Variants in KIAA1614 observed in about 807,000 individuals in gnomAD.
The protein encoded by KIAA1614 is uncharacterized protein KIAA1614.
KIAA1614 carries 76 observed loss-of-function variants against 88.7 expected under a neutral mutation model. The ratio of observed to expected loss-of-function variants is 0.86; its 90% confidence interval spans 0.71 to 1.04. The LOEUF is 1.04. KIAA1614 is among the 50% of genes least tolerant of loss of function. The pLI, the probability that KIAA1614 is intolerant of heterozygous loss-of-function variation, is 0.00. For missense variants in KIAA1614, 1,553 were observed against 1,582.5 expected (o/e 0.98, Z 0.32); for synonymous variants, 714 against 675.5 (o/e 1.06, Z -0.88).
At chr1:180,943,027 G>A (rs1654502207) in intron 7 of KIAA1614, among the ~76,000 whole-genome samples, 1 of 22,330 alleles carries the variant, frequency 4.5e-5, no homozygotes, top group African/African-American at 9.5e-5. Flanking sequence ...TAGTTTTTTG[G>A]GTTTTTTTTT....
At chr1:180,917,196 C>T in intron 2 of KIAA1614, 96 bp downstream of exon 2, 1 of 941,244 alleles carries the variant, frequency 1.1e-6, no homozygotes, top group Non-Finnish European at 1.6e-6. Context: ...GGGAGTGGGG[C>T]AGGAAAGGAG....
chr1:180,937,891 G>A (rs1186158078), intron 5 of KIAA1614, among the ~76,000 whole-genome samples: 1 of 152,176 alleles, frequency 6.6e-6, no homozygotes, highest in Non-Finnish European at 1.5e-5. Context: ...CTTCCCTTCT[G>A]AGACCTGCTG....
At chr1:180,936,923 G>C (rs552575551) in intron 5 of KIAA1614, among the ~76,000 whole-genome samples, 1 of 152,310 alleles carries the variant, frequency 6.6e-6, no homozygotes, top group African/African-American at 2.4e-5. Context: ...GGGGGAGGCA[G>C]AACCATGGGG....
chr1:180,931,589 G>A lies in KIAA1614; in HGVS notation c.1205+3016G>A, dbSNP rs117778626. 1.8e-4 allele frequency among the ~76,000 whole-genome samples: 27 copies of A among 152,380 alleles called. No individual in the cohort carries two copies. In the East Asian group the frequency reaches 4.2e-3, roughly 24 times the overall value. ...TTATGCACAGTTGCTGACACTGCTAGTGGGGCTTTCTGGGTTTGAATAATT... is the reference window on the plus strand; with the variant it reads ...TTATGCACAGTTGCTGACACTGCTAATGGGGCTTTCTGGGTTTGAATAATT... On this transcript the variant is annotated intron_variant, in intron 4 of 8. Transcript: ENST00000367588.
At chr1:180,934,406 T>C (rs139784226) in intron 4 of KIAA1614, among the ~76,000 whole-genome samples, 3 of 151,626 alleles carry the variant, frequency 2.0e-5, no homozygotes, top group Non-Finnish European at 4.4e-5. Context: ...CTGGCCAACA[T>C]AGTGAGACCT....
chr1:180,918,496 T>G (rs1211112189), intron 3 of KIAA1614, among the ~76,000 whole-genome samples: 1 of 152,158 alleles, frequency 6.6e-6, no homozygotes, highest in East Asian at 1.9e-4. Flanking sequence ...TTCATGGCAG[T>G]GTCCTGAGCC....
At position 180,936,661 on chromosome 1, in the gene KIAA1614, A is replaced by G. The variant is rs1033515405; in HGVS notation, c.2752A>G (p.Ser918Gly). ...GGAACCGGAGCCGCCCCTGGAGAAC[A>G]GCAGAGATGGTAAGGGGCTGCCGCT... ...SREPEPPLEN[S>G]RDGGPQGFLG... Residue 918 changes from serine (S) to glycine (G), a missense_variant, in exon 5 of 9, where the codon AGC becomes GGC. Ser to Gly is a moderately conservative substitution (Grantham distance 56, BLOSUM62 0). Transcript: ENST00000367588. 2 of 1,529,926 alleles carry G rather than the reference A, an allele frequency of 1.3e-6. No individual in the cohort carries two copies. The highest frequency in any genetic ancestry group is 2.0e-5 in the Admixed American group (1 of 48,790). 94.8% of individuals were successfully genotyped at this position (1,529,926 alleles called of 1,614,324 possible). A position where few individuals can be genotyped will look rare whatever the true frequency, so the allele number is the denominator to read the frequency against.
rs1553257986 is a variant in KIAA1614 at position 180,916,316 on chromosome 1, G to A, written c.213G>A (p.Arg71=). Residue 71 remains arginine, a synonymous_variant, in exon 2 of 9, where the codon AGG becomes AGA. Transcript: ENST00000367588. ...TSSLMAPQPP[R]VWGVQLQGPS... ...GCCTGATGGCCCCCCAGCCTCCCAGGGTATGGGGAGTACAGCTCCAGGGCC... is the reference window on the plus strand; with the variant it reads ...GCCTGATGGCCCCCCAGCCTCCCAGAGTATGGGGAGTACAGCTCCAGGGCC... 1.1e-5 allele frequency: 18 copies of A among 1,613,956 alleles called. No individual in the cohort carries two copies. The South Asian group carries it at 1.8e-4, about 16-fold the overall frequency.
intron 8 of KIAA1614, 161 bp downstream of exon 8, chr1:180,944,677 C>G: frequency 2.9e-6 from 2 of 695,696 alleles, no homozygotes; most frequent in Non-Finnish European, 2.3e-6. Flanking sequence ...CCACGGGAGT[C>G]TCAGCACCTC....
At chr1:180,944,296 T>C (rs1256686106) in intron 7 of KIAA1614, 93 bp from the exon 8 acceptor site, 12 of 1,302,918 alleles carry the variant, frequency 9.2e-6, no homozygotes, top group Non-Finnish European at 1.2e-5. Flanking sequence ...GTCACTTTCT[T>C]ACAGGGCCCT....
intron 8 of KIAA1614, chr1:180,945,083 T>C: frequency 1.9e-6 from 1 of 519,948 alleles, no homozygotes; most frequent in Non-Finnish European, 3.3e-6. Flanking sequence ...GAGGGTGGGG[T>C]TTCTAGTTCC....
Position 180,938,693 on chromosome 1 carries a change from GA to G in KIAA1614, c.2901del (p.Gly968AspfsTer33). The G allele has an allele frequency of 6.2e-7, 1 of 1,614,128 alleles. No individual in the cohort carries two copies. The highest frequency in any genetic ancestry group is 8.5e-7 in the Non-Finnish European group (1 of 1,179,986). On this transcript the variant is annotated frameshift_variant, in exon 6 of 9. Transcript: ENST00000367588. LOFTEE classifies it high-confidence loss of function. ...GSLQRTGSGS[G>X]GHVLSRASAG... ...CTGCAGAGGACAGGGTCAGGATCTG[GA>G]GGACATGTGCTGTCAAGGTGAGTGA... is the stretch of plus-strand genomic sequence containing the variant.
chr1:180,945,459 G>A lies in KIAA1614; in HGVS notation c.3444G>A (p.Val1148=). 6.2e-7 allele frequency: 1 copy of A among 1,612,880 alleles called. No individual in the cohort carries two copies. Among genetic ancestry groups the A allele is most frequent in the Non-Finnish European group, 8.5e-7 (1 of 1,179,774 alleles). Residue 1148 remains valine, a synonymous_variant, in exon 9 of 9, where the codon GTG becomes GTA. Coordinates refer to ENST00000367588, the MANE Select transcript of KIAA1614 (RefSeq NM_020950.2). ...RSPGGTFGFC[V]ASGNGRPDSG... is the part of the protein sequence containing the mutation. ...CAGGGGGCACTTTCGGCTTCTGCGTGGCCTCTGGGAATGGGCGCCCAGACT... is the reference window on the plus strand; with the variant it reads ...CAGGGGGCACTTTCGGCTTCTGCGTAGCCTCTGGGAATGGGCGCCCAGACT...
Position 180,936,107 on chromosome 1 carries a change from A to G in KIAA1614, c.2198A>G (p.Gln733Arg), listed in dbSNP as rs1251756884. The G allele has an allele frequency of 6.2e-7, 1 of 1,614,174 alleles. No individual in the cohort carries two copies. Among genetic ancestry groups the G allele is most frequent in the South Asian group, 1.1e-5 (1 of 91,082 alleles). The change falls in exon 5 of 9, where the codon CAG becomes CGG. Residue 733 changes from glutamine (Q) to arginine (R), a missense_variant. Transcript: ENST00000367588. ...WQPGPGLGSH[Q>R]PHPLDSRTPC... ...CCTGGACCAGGGCTGGGAAGTCACC[A>G]GCCTCACCCTTTGGATTCCCGGACT...
At position 180,913,252 on chromosome 1, in the gene KIAA1614, G is replaced by A. The variant is rs964360871; in HGVS notation, c.9G>A (p.Gly3=). Residue 3 remains glycine (G), a synonymous_variant, in exon 1 of 9, where the codon GGG becomes GGA. Transcript: ENST00000367588. The part of the protein sequence containing the change: ME[G]TEAAAAKPAG... ...CCTGGCCTCTCCGAGGGATGGAGGG[G>A]ACAGAGGCGGCGGCGGCCAAACCCG... 3.2e-6 allele frequency: 4 copies of A among 1,262,806 alleles called. No homozygotes were observed. The highest frequency in any genetic ancestry group is 6.3e-5 in the East Asian group (2 of 31,748). 78.2% of individuals were successfully genotyped at this position (1,262,806 alleles called of 1,614,324 possible).
intron 3 of KIAA1614, among the ~76,000 whole-genome samples, chr1:180,920,278 A>C (rs1653924899): frequency 6.6e-6 from 1 of 152,192 alleles, no homozygotes; most frequent in Non-Finnish European, 1.5e-5. Flanking sequence ...TGTATCAATG[A>C]ACTTCCCAAG....
intron 8 of KIAA1614, 35 bp downstream of exon 8, chr1:180,944,551 CAG>C (rs752776389): frequency 1.2e-5 from 20 of 1,603,972 alleles, no homozygotes; most frequent in East Asian, 2.2e-5. Context: ...AGGATAAACT[CAG>C]AGAGTGACCA....
intron 1 of KIAA1614, 67 bp downstream of exon 1, chr1:180,913,360 G>A (rs1044778102): frequency 1.8e-6 from 2 of 1,084,084 alleles, no homozygotes; most frequent in Non-Finnish European, 2.4e-6. Flanking sequence ...GCGGAGGAGC[G>A]GGGAGCCCAG....
chr1:180,918,409 G>A (rs145235430), intron 3 of KIAA1614, among the ~76,000 whole-genome samples: 58 of 152,264 alleles, frequency 3.8e-4, no homozygotes, highest in East Asian at 1.2e-3. Context: ...CACGGCCTTC[G>A]CTCCAGCCCC....
Sources: allele counts gnomAD v4.1 joint callset (sites outside exome capture counted in the v4.1 genomes callset), GRCh38; gene constraint gnomAD v4.1.1; transcripts MANE v1.5; gene names NCBI Gene and HGNC (gene_info 2026-07-23, HGNC 2026-07-21).